The following DPP8 variants were observed in gnomAD, a reference collection of about 807,000 sequenced individuals.
DPP8 encodes dipeptidyl peptidase 8, also known as DPP VIII.
DPP8 carries 31 observed loss-of-function variants against 107.5 expected under a neutral mutation model. That is an observed-to-expected ratio of 0.29 (90% CI 0.22 to 0.39). The LOEUF is 0.39. DPP8 is among the 10% of genes least tolerant of loss of function. The pLI, the probability that DPP8 is intolerant of heterozygous loss-of-function variation, is 1.00. For synonymous variants in DPP8, 381 were observed against 356.6 expected, an observed-to-expected ratio of 1.07 and a Z score of -0.77; for missense variants, 842 against 1,076.1, an observed-to-expected ratio of 0.78 and a Z score of 3.04.
At position 65,467,236 on chromosome 15, in the gene DPP8, C is replaced by T. The variant is rs2065438535; in HGVS notation, c.1537-13G>A. On this transcript the variant is annotated splice_polypyrimidine_tract_variant and intron_variant, in intron 12 of 19. Transcript: ENST00000300141. ...CATCAACTTGGATCTGACAAGATAA[C>T]AACAATAACAAAATCAGGGCTAACA... 2 of 1,613,654 alleles carry T rather than the reference C, an allele frequency of 1.2e-6. No homozygotes were observed. The highest frequency in any genetic ancestry group is 2.7e-5 in the African/African-American group (2 of 75,030).
intron 6 of DPP8, among the ~76,000 whole-genome samples, chr15:65,488,505 G>A (rs1205485125): frequency 1.3e-5 from 2 of 150,652 alleles, no homozygotes; most frequent in African/African-American, 4.9e-5. Context: ...GTACTTGAGA[G>A]GCTGAGGTGA....
chr15:65,451,563 T>G (rs2063977354), intron 18 of DPP8, among the ~76,000 whole-genome samples: 1 of 152,214 alleles, frequency 6.6e-6, no homozygotes, highest in African/African-American at 2.4e-5. Flanking sequence ...TTTTCAGTAT[T>G]TGAATTTTTC....
At chr15:65,480,147 A>G (rs2066781747) in intron 10 of DPP8, 75 bp downstream of exon 10, 1 of 1,332,882 alleles carries the variant, frequency 7.5e-7, no homozygotes, top group Non-Finnish European at 1.0e-6. Context: ...ATGCATTTTG[A>G]TAGTTTGCTA....
intron 8 of DPP8, among the ~76,000 whole-genome samples, chr15:65,483,537 T>C (rs2067123051): frequency 6.6e-6 from 1 of 151,548 alleles, no homozygotes; most frequent in African/African-American, 2.4e-5. Context: ...GTATTTTTAG[T>C]AGAGATGGGG....
intron 2 of DPP8, 98 bp downstream of exon 2, chr15:65,512,197 T>G: frequency 4.2e-6 from 5 of 1,199,754 alleles, no homozygotes; most frequent in Non-Finnish European, 6.0e-6. Flanking sequence ...AAGTCACTGA[T>G]TAATTTATTC....
chr15:65,465,376 C>G (rs977013997), intron 14 of DPP8, among the ~76,000 whole-genome samples: 9 of 151,678 alleles, frequency 5.9e-5, no homozygotes, highest in Non-Finnish European at 1.0e-4. Flanking sequence ...CCATGTTGGC[C>G]AGGCTGCTCT....
intron 10 of DPP8, 136 bp downstream of exon 10, chr15:65,480,086 G>A (rs2066774796): frequency 2.9e-6 from 2 of 680,034 alleles, no homozygotes; most frequent in Admixed American, 3.0e-5. Flanking sequence ...CACTCCAATT[G>A]GAAATGCTCA....
chr15:65,511,498 A>G (rs2070762986), intron 2 of DPP8, among the ~76,000 whole-genome samples: 1 of 151,920 alleles, frequency 6.6e-6, no homozygotes, highest in Non-Finnish European at 1.5e-5. Context: ...AAAACAAAAC[A>G]ACAAAACATT....
At chr15:65,512,833 G>T in intron 1 of DPP8, 1 of 395,146 alleles carries the variant, frequency 2.5e-6, no homozygotes, top group South Asian at 4.5e-5. Context: ...GCTCTCCTTA[G>T]GTATTTCTTG....
chr15:65,443,387 A>T lies in DPP8; in HGVS notation c.*3497T>A, dbSNP rs1390857917. On this transcript the variant is annotated 3_prime_UTR_variant, in exon 20 of 20. Coordinates refer to ENST00000300141, the MANE Select transcript of DPP8 (RefSeq NM_130434.5). ...AATCAAATATTGATTCCATCTTGAAAAATGCATGATTTAATAATGAGAAAT... is the reference window on the plus strand; with the variant it reads ...AATCAAATATTGATTCCATCTTGAATAATGCATGATTTAATAATGAGAAAT... 6.6e-6 allele frequency: 1 copy of T among 152,164 alleles called. No individual in the cohort carries two copies. The highest frequency in any genetic ancestry group is 1.5e-5 in the Non-Finnish European group (1 of 68,032). 9.4% of individuals were successfully genotyped at this position (152,164 alleles called of 1,614,324 possible). A position where few individuals can be genotyped will look rare whatever the true frequency, so the allele number is the denominator to read the frequency against.
intron 11 of DPP8, among the ~76,000 whole-genome samples, chr15:65,478,256 T>C (rs928072446): frequency 3.9e-5 from 6 of 152,092 alleles, no homozygotes; most frequent in East Asian, 1.9e-4. Context: ...TTAAAAAAAA[T>C]AGTGTTGTCT....
intron 19 of DPP8, 23 bp from the exon 20 acceptor site, chr15:65,447,029 G>T: frequency 7.0e-7 from 1 of 1,422,896 alleles, no homozygotes; most frequent in Non-Finnish European, 9.2e-7. Flanking sequence ...AAAAAATAAA[G>T]ATACAAAAAA....
At chr15:65,485,875 C>T (rs1392389837) in intron 7 of DPP8, among the ~76,000 whole-genome samples, 4 of 150,248 alleles carry the variant, frequency 2.7e-5, no homozygotes, top group Admixed American at 6.6e-5. Flanking sequence ...AGGTGGATCA[C>T]CTGAGGTCAG....
intron 7 of DPP8, 85 bp from the exon 8 acceptor site, chr15:65,485,245 G>C (rs1596002691): frequency 1.9e-6 from 2 of 1,068,518 alleles, no homozygotes; most frequent in East Asian, 4.8e-5. Context: ...TTACACTTTA[G>C]TTAAGAATAA....
At chr15:65,507,761 G>A (rs191616989) in intron 2 of DPP8, among the ~76,000 whole-genome samples, 4 of 151,760 alleles carry the variant, frequency 2.6e-5, no homozygotes, top group East Asian at 1.9e-4. Context: ...ATAAAAGTAT[G>A]TAAGTTGCTG....
At chr15:65,452,178 A>C in intron 17 of DPP8, 76 bp from the exon 18 acceptor site, 1 of 1,491,292 alleles carries the variant, frequency 6.7e-7, no homozygotes, top group Non-Finnish European at 9.0e-7. Context: ...TACAACTGCA[A>C]ATTTACAGTC....
chr15:65,497,071 G>A (rs903113451), intron 5 of DPP8, among the ~76,000 whole-genome samples: 1 of 151,904 alleles, frequency 6.6e-6, no homozygotes, highest in Non-Finnish European at 1.5e-5. Flanking sequence ...TGTATTTTTA[G>A]TAGAGACAGG....
chr15:65,516,830 G>A (rs1319919592), intron 1 of DPP8: 1 of 152,328 alleles, frequency 6.6e-6, no homozygotes, highest in Non-Finnish European at 1.5e-5. Context: ...AGGGGGCAAA[G>A]ACCTTGAAAA....
intron 5 of DPP8, among the ~76,000 whole-genome samples, chr15:65,491,618 G>A (rs1405925187): frequency 6.6e-6 from 1 of 152,174 alleles, no homozygotes; most frequent in Non-Finnish European, 1.5e-5. Flanking sequence ...TGTTACATGT[G>A]TCAGTAGTTA....
Sources: allele counts gnomAD v4.1 joint callset (sites outside exome capture counted in the v4.1 genomes callset), GRCh38; gene constraint gnomAD v4.1.1; transcripts MANE v1.5; gene names NCBI Gene and HGNC (gene_info 2026-07-23, HGNC 2026-07-21).